Variants in KCNQ5 observed in about 807,000 individuals in gnomAD.
KCNQ5 encodes potassium voltage-gated channel subfamily KQT member 5.
KCNQ5 carries 30 observed loss-of-function variants against 98.2 expected under a neutral mutation model. That is an observed-to-expected ratio of 0.31 (90% CI 0.23 to 0.41). KCNQ5 has a LOEUF of 0.41. Ranked by LOEUF, KCNQ5 falls within the 10% of genes least tolerant of loss-of-function variation. The probability of loss-of-function intolerance (pLI) is 1.00; values close to 1 mark genes in which losing one functional copy is unlikely to be tolerated. For synonymous variants in KCNQ5, 458 were observed against 449.4 expected, an observed-to-expected ratio of 1.02 and a Z score of -0.24; for missense variants, 835 against 1,182.5, an observed-to-expected ratio of 0.71 and a Z score of 4.31.
intron 5 of KCNQ5, among the ~76,000 whole-genome samples, chr6:73,093,110 T>C (rs1228024870): frequency 6.6e-6 from 1 of 152,138 alleles, no homozygotes; most frequent in Non-Finnish European, 1.5e-5. Context: ...TCAGGCTATC[T>C]AATTCTTCCT....
At chr6:72,920,678 AAT>A (rs1729088107) in intron 1 of KCNQ5, among the ~76,000 whole-genome samples, 1 of 152,234 alleles carries the variant, frequency 6.6e-6, no homozygotes, top group African/African-American at 2.4e-5. Flanking sequence ...GAATAATATT[AAT>A]AGTCTGTCTT....
At chr6:72,891,425 A>G (rs1779053751) in intron 1 of KCNQ5, among the ~76,000 whole-genome samples, 1 of 152,202 alleles carries the variant, frequency 6.6e-6, no homozygotes, top group African/African-American at 2.4e-5. Flanking sequence ...AGATATGTGG[A>G]TAAAGGATCC....
At chr6:73,150,104 A>G (rs921633625) in intron 10 of KCNQ5, among the ~76,000 whole-genome samples, 5 of 152,040 alleles carry the variant, frequency 3.3e-5, no homozygotes, top group African/African-American at 7.2e-5. Flanking sequence ...AGTGCAAGAA[A>G]AGATGTTTAA....
rs188887586 is a variant in KCNQ5, at chr6:73,144,292, C to A, written c.1468+10651C>A. 1.2e-3 allele frequency among the ~76,000 whole-genome samples: 178 copies of A among 152,210 alleles called. 3 individuals carry two copies. The highest frequency in any genetic ancestry group is 3.1e-4 in the Non-Finnish European group (21 of 68,010). Reference sequence around the variant, plus strand: ...AATTTGTTCGGCTTTTCTTCCCTTGCCATCTTTTTCTTCTTTTGCCATGTA... The same window carrying A: ...AATTTGTTCGGCTTTTCTTCCCTTGACATCTTTTTCTTCTTTTGCCATGTA... On this transcript the variant is annotated intron_variant, in intron 10 of 13. Coordinates refer to ENST00000370398, the MANE Select transcript of KCNQ5 (RefSeq NM_019842.4).
intron 1 of KCNQ5, among the ~76,000 whole-genome samples, chr6:72,922,736 T>C (rs1780456335): frequency 6.6e-6 from 1 of 152,156 alleles, no homozygotes; most frequent in Non-Finnish European, 1.5e-5. Context: ...AATGACTAGA[T>C]TTCCTTCTTT....
intron 1 of KCNQ5, among the ~76,000 whole-genome samples, chr6:72,817,351 T>G (rs761052676): frequency 6.6e-6 from 1 of 152,232 alleles, no homozygotes; most frequent in Non-Finnish European, 1.5e-5. Flanking sequence ...TTGTTCGTTT[T>G]GAATGCCTTA....
intron 1 of KCNQ5, among the ~76,000 whole-genome samples, chr6:72,923,383 C>T (rs1319504217): frequency 6.6e-6 from 1 of 152,156 alleles, no homozygotes; most frequent in East Asian, 1.9e-4. Context: ...TCTCCACATC[C>T]TCACCAGTAC....
intron 1 of KCNQ5, among the ~76,000 whole-genome samples, chr6:72,894,811 CT>C (rs1433891263): frequency 6.6e-6 from 1 of 152,114 alleles, no homozygotes; most frequent in East Asian, 1.9e-4. Context: ...CCAAAAATCA[CT>C]TTTTGAGTCC....
intron 1 of KCNQ5, among the ~76,000 whole-genome samples, chr6:72,672,461 A>G (rs1417002420): frequency 6.6e-6 from 1 of 152,206 alleles, no homozygotes; most frequent in East Asian, 1.9e-4. Context: ...AAGAAAGTTA[A>G]AAAGACACAC....
At chr6:72,915,237 T>G (rs1425051553) in intron 1 of KCNQ5, among the ~76,000 whole-genome samples, 1 of 151,978 alleles carries the variant, frequency 6.6e-6, no homozygotes, top group Admixed American at 6.6e-5. Context: ...ATAGCCAGAG[T>G]TGGCAACAAG....
intron 4 of KCNQ5, 102 bp downstream of exon 4, chr6:73,077,599 G>A (rs921354420): frequency 1.3e-4 from 175 of 1,381,228 alleles, no homozygotes; most frequent in Non-Finnish European, 1.6e-4. Context: ...AGTCATTGCA[G>A]AAAATGGTTA....
At chr6:72,644,607 C>A (rs1765494001) in intron 1 of KCNQ5, among the ~76,000 whole-genome samples, 1 of 152,100 alleles carries the variant, frequency 6.6e-6, no homozygotes, top group Non-Finnish European at 1.5e-5. Context: ...AGCATGTATG[C>A]ATGTATATAA....
At chr6:72,843,399 T>A (rs1325642130) in intron 1 of KCNQ5, among the ~76,000 whole-genome samples, 1 of 152,192 alleles carries the variant, frequency 6.6e-6, no homozygotes. Context: ...TGTAGTGTAG[T>A]TTGAAGTCAG....
intron 1 of KCNQ5, among the ~76,000 whole-genome samples, chr6:72,969,330 A>G (rs1047887650): frequency 1.3e-5 from 2 of 152,326 alleles, no homozygotes; most frequent in African/African-American, 4.8e-5. Flanking sequence ...GTATACACAT[A>G]TATACATAGC....
intron 1 of KCNQ5, among the ~76,000 whole-genome samples, chr6:72,911,694 G>A (rs1361964939): frequency 2.0e-5 from 3 of 152,094 alleles, no homozygotes; most frequent in Admixed American, 6.6e-5. Flanking sequence ...CATCACTGGG[G>A]CCAGCATGGT....
At chr6:73,042,968 T>C (rs886856048) in intron 3 of KCNQ5, 1 of 180,164 alleles carries the variant, frequency 5.6e-6, no homozygotes, top group Non-Finnish European at 1.4e-5. Flanking sequence ...ATGAGGCTTA[T>C]TTATTTCAAC....
intron 5 of KCNQ5, among the ~76,000 whole-genome samples, chr6:73,082,652 G>T (rs550529536): frequency 6.6e-6 from 1 of 152,106 alleles, no homozygotes; most frequent in African/African-American, 2.4e-5. Context: ...CAAAGCTCAC[G>T]AAACACTATT....
intron 1 of KCNQ5, among the ~76,000 whole-genome samples, chr6:72,714,901 A>T (rs1769566014): frequency 6.6e-6 from 1 of 152,226 alleles, no homozygotes; most frequent in South Asian, 2.1e-4. Context: ...TTAATGCTAG[A>T]AATTGTTTCT....
chr6:73,001,770 C>G (rs1769581144), intron 1 of KCNQ5, among the ~76,000 whole-genome samples: 1 of 152,130 alleles, frequency 6.6e-6, no homozygotes, highest in Admixed American at 6.5e-5. Flanking sequence ...GGATTTTGAC[C>G]ACTAGTTTGC....
Sources: allele counts gnomAD v4.1 joint callset (sites outside exome capture counted in the v4.1 genomes callset), GRCh38; gene constraint gnomAD v4.1.1; transcripts MANE v1.5; gene names NCBI Gene and HGNC (gene_info 2026-07-23, HGNC 2026-07-21).